The following FTO variants were observed in gnomAD, a reference collection of about 807,000 sequenced individuals.
FTO encodes FTO alpha-ketoglutarate dependent dioxygenase, also known as alpha-ketoglutarate-dependent dioxygenase FTO.
In FTO, 47 loss-of-function variants were observed where a neutral mutation model predicts 63.9. The observed-to-expected ratio is 0.74, with a 90% CI of 0.58 to 0.94. The LOEUF is 0.94. Among genes scored for constraint, FTO ranks in the 40% least tolerant of loss-of-function variants. The pLI is 0.00. For missense variants in FTO, 562 were observed against 618.1 expected, an observed-to-expected ratio of 0.91 and a Z score of 0.96; for synonymous variants, 207 against 224.4, an observed-to-expected ratio of 0.92 and a Z score of 0.69.
intron 8 of FTO, among the ~76,000 whole-genome samples, chr16:53,959,143 A>G (rs1416991194): frequency 6.6e-6 from 1 of 152,216 alleles, no homozygotes; most frequent in African/African-American, 2.4e-5. Context: ...ATTTTAAGAA[A>G]AGGGTACGTG....
intron 1 of FTO, among the ~76,000 whole-genome samples, chr16:53,808,194 A>C (rs1182839639): frequency 2.0e-5 from 3 of 152,024 alleles, no homozygotes; most frequent in African/African-American, 7.2e-5. Flanking sequence ...CTAGCCAGGC[A>C]TGGTGGCATT....
At chr16:53,766,636 C>G (rs1206470655) in intron 1 of FTO, among the ~76,000 whole-genome samples, 1 of 152,086 alleles carries the variant, frequency 6.6e-6, no homozygotes, top group South Asian at 2.1e-4. Flanking sequence ...CTGTTCAGCA[C>G]CCAAGGGACC....
intron 3 of FTO, among the ~76,000 whole-genome samples, chr16:53,842,144 T>G (rs2079496072): frequency 6.6e-6 from 1 of 152,216 alleles, no homozygotes. Context: ...TTGAATGCCT[T>G]CTCTGTGCCA....
intron 1 of FTO, among the ~76,000 whole-genome samples, chr16:53,791,443 C>A (rs909307704): frequency 1.3e-5 from 2 of 152,142 alleles, no homozygotes; most frequent in African/African-American, 4.8e-5. Context: ...TAAAGAGATA[C>A]CTATACACCT....
At chr16:54,044,189 C>A (rs1194387320) in intron 8 of FTO, among the ~76,000 whole-genome samples, 1 of 75,054 alleles carries the variant, frequency 1.3e-5, no homozygotes, top group Non-Finnish European at 2.1e-5. Context: ...CAAGACCCAT[C>A]AGTGTGCTGT....
At chr16:53,908,998 T>C (rs562312903) in intron 7 of FTO, among the ~76,000 whole-genome samples, 4 of 152,330 alleles carry the variant, frequency 2.6e-5, no homozygotes, top group Admixed American at 1.3e-4. Flanking sequence ...TCATTTGTTT[T>C]CTCTGTGGGC....
chr16:54,075,203 TA>T (rs1317254467), intron 8 of FTO, among the ~76,000 whole-genome samples: 1 of 152,186 alleles, frequency 6.6e-6, no homozygotes, highest in Non-Finnish European at 1.5e-5. Context: ...AAGATCAGAT[TA>T]GATTGTTAGA....
At chr16:53,871,691 C>G (rs949392477) in intron 4 of FTO, among the ~76,000 whole-genome samples, 1 of 151,022 alleles carries the variant, frequency 6.6e-6, no homozygotes, top group Non-Finnish European at 1.5e-5. Context: ...GGCTTTTGCT[C>G]TAATGAATAA....
intron 3 of FTO, among the ~76,000 whole-genome samples, chr16:53,839,234 C>G (rs1042890349): frequency 2.0e-5 from 3 of 152,062 alleles, no homozygotes; most frequent in South Asian, 2.1e-4. Context: ...TTAGTGGGAG[C>G]TGGGAGCTGG....
chr16:53,842,966 C>T (rs1402812395), intron 3 of FTO, among the ~76,000 whole-genome samples: 2 of 152,164 alleles, frequency 1.3e-5, no homozygotes, highest in South Asian at 2.1e-4. Context: ...TGAGCCACTG[C>T]GCCCAGTCTG....
chr16:54,014,839 T>C (rs1010796758), intron 8 of FTO, among the ~76,000 whole-genome samples: 15 of 95,604 alleles, frequency 1.6e-4, no homozygotes, highest in Middle Eastern at 4.6e-3. Flanking sequence ...TCCTACTTTC[T>C]CTCTCTCTCT....
At chr16:53,787,136 A>AAAAC in intron 1 of FTO, among the ~76,000 whole-genome samples, 1 of 148,500 alleles carries the variant, frequency 6.7e-6, no homozygotes, top group African/African-American at 2.5e-5. Flanking sequence ...AAAAAAAAAA[A>AAAAC]AAAAAAGAAA....
chr16:53,777,011 GATTAAATCA>G (rs2077475088), intron 1 of FTO, among the ~76,000 whole-genome samples: 2 of 152,094 alleles, frequency 1.3e-5, no homozygotes, highest in African/African-American at 4.8e-5. Flanking sequence ...ATTGTGGCAT[GATTAAATCA>G]AGCTAATTAA....
intron 8 of FTO, among the ~76,000 whole-genome samples, chr16:54,030,493 A>ATT (rs2084803725): frequency 2.0e-5 from 3 of 152,196 alleles, no homozygotes; most frequent in Non-Finnish European, 4.4e-5. Flanking sequence ...GAACATTTGG[A>ATT]CAATTTGAGT....
chr16:54,112,011 GGCCC>G lies in FTO; in HGVS notation c.*97_*100del. 2.2e-6 allele frequency: 3 copies of G among 1,385,096 alleles called. No individual in the cohort carries two copies. Among genetic ancestry groups the G allele is most frequent in the Non-Finnish European group, 3.1e-6 (3 of 976,678 alleles). 85.8% of individuals were successfully genotyped at this position (1,385,096 alleles called of 1,614,324 possible). On this transcript the variant is annotated 3_prime_UTR_variant, in exon 9 of 9. Transcript: ENST00000471389. ...AGCAAGAGCAGTGGAGACTTCTCTT[GGCCC>G]CTAGATTGTAGCACCCGGGTCCCAA...
Position 53,947,440 on chromosome 16 carries a change from C to T in FTO, c.1364+13331C>T, listed in dbSNP as rs145668196. Among the ~76,000 whole-genome samples the T allele has an allele frequency of 1.1e-3, 167 of 152,250 alleles. 1 individual carries two copies. Among genetic ancestry groups the T allele is most frequent in the African/African-American group, 3.8e-3 (157 of 41,544 alleles). On this transcript the variant is annotated intron_variant, in intron 8 of 8. Transcript: ENST00000471389. ...AGATAACTCTATAACTAACTCTGGG[C>T]TTGGTTCAGGAGAGGAGGAGAATAA...
chr16:54,080,067 G>T (rs1437677715), intron 8 of FTO, among the ~76,000 whole-genome samples: 1 of 152,220 alleles, frequency 6.6e-6, no homozygotes, highest in African/African-American at 2.4e-5. Context: ...TAGTTTTCAT[G>T]CTTTAGGCTA....
At chr16:54,038,218 A>G (rs2084988829) in intron 8 of FTO, among the ~76,000 whole-genome samples, 1 of 152,216 alleles carries the variant, frequency 6.6e-6, no homozygotes, top group Admixed American at 6.5e-5. Context: ...GATGTTTTCA[A>G]GCATGAGTAG....
chr16:53,963,329 T>G (rs1410827473), intron 8 of FTO, among the ~76,000 whole-genome samples: 2 of 152,164 alleles, frequency 1.3e-5, no homozygotes, highest in Non-Finnish European at 2.9e-5. Flanking sequence ...TATATTTGTG[T>G]TATTGTTGGG....
Sources: gnomAD v4.1 joint callset for allele counts (sites outside exome capture counted in the v4.1 genomes callset) on GRCh38, gnomAD v4.1.1 for gene constraint, MANE v1.5 for transcripts, NCBI Gene and HGNC (gene_info 2026-07-23, HGNC 2026-07-21) for gene names.